The following CDH11 variants were observed in gnomAD, a reference collection of about 807,000 sequenced individuals.
The protein encoded by CDH11 is cadherin-11.
Under a neutral mutation model 67.8 loss-of-function variants are expected in CDH11, and 11 were observed. That is an observed-to-expected ratio of 0.16 (90% CI 0.10 to 0.27). The LOEUF is 0.27. Ranked by LOEUF, CDH11 falls within the 10% of genes least tolerant of loss-of-function variation. The pLI, the probability that CDH11 is intolerant of heterozygous loss-of-function variation, is 1.00. For synonymous variants in CDH11, 419 were observed against 400.0 expected (o/e 1.05, Z -0.57); for missense variants, 847 against 1,031.2 (o/e 0.82, Z 2.45).
chr16:65,053,300 A>T (rs557908503), intron 2 of CDH11, among the ~76,000 whole-genome samples: 37 of 152,322 alleles, frequency 2.4e-4, no homozygotes, highest in Admixed American at 7.2e-4. Context: ...CCCATAGCAC[A>T]GACAGTGAAT....
intron 6 of CDH11, among the ~76,000 whole-genome samples, chr16:64,989,492 T>A (rs1242246745): frequency 6.6e-6 from 1 of 152,132 alleles, no homozygotes; most frequent in Non-Finnish European, 1.5e-5. Flanking sequence ...ATGACGTGCA[T>A]ATCTGCAGGA....
intron 1 of CDH11, among the ~76,000 whole-genome samples, chr16:65,109,147 G>GAA (rs34933705): frequency 6.7e-6 from 1 of 150,076 alleles, no homozygotes; most frequent in South Asian, 2.1e-4. Context: ...ACTCTGTTTC[G>GAA]AAAAAAAAAG....
chr16:64,972,879 T>TC, intron 9 of CDH11, 25 bp downstream of exon 9: 2 of 1,612,002 alleles, frequency 1.2e-6, no homozygotes, highest in Non-Finnish European at 1.7e-6. Context: ...TAAAGTAGAA[T>TC]CAAAACCATG....
upstream of CDH11, among the ~76,000 whole-genome samples, chr16:65,123,128 C>T (rs997560310): frequency 6.6e-6 from 1 of 152,100 alleles, no homozygotes; most frequent in African/African-American, 2.4e-5. Context: ...TTAGGAATCA[C>T]GCCAAGGACT....
intron 1 of CDH11, among the ~76,000 whole-genome samples, chr16:65,057,831 C>T (rs867936473): frequency 6.6e-6 from 1 of 152,140 alleles, no homozygotes; most frequent in Non-Finnish European, 1.5e-5. Context: ...ATCAATAAAC[C>T]CACTCCTTTT....
chr16:65,040,127 C>T (rs969273859), intron 2 of CDH11, among the ~76,000 whole-genome samples: 1 of 152,138 alleles, frequency 6.6e-6, no homozygotes, highest in African/African-American at 2.4e-5. Flanking sequence ...CTAGTTCAAC[C>T]ATTGTTGAAG....
chr16:65,017,204 C>T (rs1196397906), intron 2 of CDH11, among the ~76,000 whole-genome samples: 3 of 152,220 alleles, frequency 2.0e-5, no homozygotes, highest in African/African-American at 7.2e-5. Context: ...TGCCTAACCT[C>T]CTGGCAATGC....
At chr16:65,067,127 T>C (rs2142756217) in intron 1 of CDH11, among the ~76,000 whole-genome samples, 1 of 152,132 alleles carries the variant, frequency 6.6e-6, no homozygotes, top group South Asian at 2.1e-4. Context: ...TTATCCATTC[T>C]ATATGTTTTA....
intron 1 of CDH11, among the ~76,000 whole-genome samples, chr16:65,084,608 G>T (rs1423386789): frequency 1.3e-5 from 2 of 152,198 alleles, no homozygotes; most frequent in African/African-American, 4.8e-5. Flanking sequence ...TTTTTGTGCA[G>T]AGTGATGGCT....
At chr16:65,071,544 A>G (rs2074416429) in intron 1 of CDH11, among the ~76,000 whole-genome samples, 1 of 152,172 alleles carries the variant, frequency 6.6e-6, no homozygotes, top group South Asian at 2.1e-4. Flanking sequence ...AGTCAGCTCC[A>G]CAGACCCAGG....
chr16:65,011,081 T>TAC (rs2073172835), intron 2 of CDH11, among the ~76,000 whole-genome samples: 1 of 129,764 alleles, frequency 7.7e-6, no homozygotes, highest in South Asian at 2.3e-4. Context: ...TATGTATATA[T>TAC]ACACACACAT....
At chr16:64,969,047 A>T (rs1450652713) in intron 11 of CDH11, among the ~76,000 whole-genome samples, 1 of 152,212 alleles carries the variant, frequency 6.6e-6, no homozygotes, top group Non-Finnish European at 1.5e-5. Flanking sequence ...CAAAAATAGT[A>T]GCTCAACAGT....
chr16:65,105,912 C>A (rs1001918265), intron 1 of CDH11, among the ~76,000 whole-genome samples: 1 of 152,226 alleles, frequency 6.6e-6, no homozygotes, highest in African/African-American at 2.4e-5. Flanking sequence ...CCATGAATTT[C>A]ATCAATTCAG....
chr16:65,082,384 A>C (rs1443992345), intron 1 of CDH11, among the ~76,000 whole-genome samples: 1 of 152,182 alleles, frequency 6.6e-6, no homozygotes, highest in African/African-American at 2.4e-5. Flanking sequence ...GTTAGAAACA[A>C]GTGCCAGGTA....
intron 1 of CDH11, chr16:65,059,716 G>C (rs370155390): frequency 6.6e-6 from 1 of 152,186 alleles, no homozygotes; most frequent in Non-Finnish European, 1.5e-5. Context: ...TGAAGCCAGG[G>C]ACAATAGAAT....
intron 1 of CDH11, among the ~76,000 whole-genome samples, chr16:65,083,727 G>A (rs543979208): frequency 6.6e-5 from 10 of 152,330 alleles, no homozygotes; most frequent in Admixed American, 5.2e-4. Flanking sequence ...GACATCAGGG[G>A]TGGCTGACAT....
At chr16:64,948,535 G>C in intron 12 of CDH11, 1 of 1,232,298 alleles carries the variant, frequency 8.1e-7, no homozygotes, top group Non-Finnish European at 1.2e-6. Flanking sequence ...CCATCTTATA[G>C]GGGGTGATGG....
At chr16:65,050,291 G>T (rs117313605) in intron 2 of CDH11, among the ~76,000 whole-genome samples, 2,750 of 152,280 alleles carry the variant, frequency 0.018, 29 homozygotes, top group Non-Finnish European at 0.025. Flanking sequence ...GGATTTCACT[G>T]TAAGTTAACT....
chr16:64,982,916 C>T (rs1001904284), intron 7 of CDH11: 1 of 152,198 alleles, frequency 6.6e-6, no homozygotes, highest in African/African-American at 2.4e-5. Flanking sequence ...TGAGATAATT[C>T]TTTCTTTTCC....
Sources: gnomAD v4.1 joint callset for allele counts (sites outside exome capture counted in the v4.1 genomes callset) on GRCh38, gnomAD v4.1.1 for gene constraint, MANE v1.5 for transcripts, NCBI Gene and HGNC (gene_info 2026-07-23, HGNC 2026-07-21) for gene names.